The following USP25 variants were observed in gnomAD, a reference collection of about 807,000 sequenced individuals.
USP25 encodes the protein ubiquitin carboxyl-terminal hydrolase 25.
In USP25, 85 loss-of-function variants were observed where a neutral mutation model predicts 158.5. The ratio of observed to expected loss-of-function variants is 0.54; its 90% confidence interval spans 0.45 to 0.64. The LOEUF is 0.64. Among genes scored for constraint, USP25 ranks in the 30% least tolerant of loss-of-function variants. The pLI, the probability that USP25 is intolerant of heterozygous loss-of-function variation, is 0.00. For missense variants in USP25, 1,242 were observed against 1,327.3 expected, an observed-to-expected ratio of 0.94 and a Z score of 1.00; for synonymous variants, 464 against 460.4, an observed-to-expected ratio of 1.01 and a Z score of -0.10.
chr21:15,820,814 G>A (rs1250253634), intron 10 of USP25, among the ~76,000 whole-genome samples: 6 of 151,790 alleles, frequency 4.0e-5, no homozygotes, highest in Admixed American at 3.9e-4. Flanking sequence ...TTGGCCCAGA[G>A]AACATCTTAT....
Position 15,811,154 on chromosome 21 carries a change from A to G in USP25, c.875A>G (p.Lys292Arg). 1 of 1,612,694 alleles carries G rather than the reference A, an allele frequency of 6.2e-7. No individual in the cohort carries two copies. Among genetic ancestry groups the G allele is most frequent in the Non-Finnish European group, 8.5e-7 (1 of 1,179,534 alleles). Reference sequence around the variant, plus strand: ...TACTTTAGGGATGAAGAGAAGCCAAAGAACCCCATGGTAGAGTTGTTCTAT... The same window carrying G: ...TACTTTAGGGATGAAGAGAAGCCAAGGAACCCCATGGTAGAGTTGTTCTAT... ...AEEETDEEKP[K>R]NPMVELFYGR... The change falls in exon 9 of 26, where the codon AAG (lysine) becomes AGG (arginine). Residue 292 changes from lysine to arginine, a missense_variant. Lys to Arg is a conservative substitution (Grantham distance 26). Coordinates refer to ENST00000400183, the MANE Select transcript of USP25 (RefSeq NM_001283041.3).
chr21:15,804,004 A>G lies in USP25; in HGVS notation c.643-1117A>G, dbSNP rs577468186. Among the ~76,000 whole-genome samples the G allele has an allele frequency of 3.3e-5, 5 of 152,172 alleles. No homozygotes were observed. The East Asian group carries it at 5.8e-4, about 18-fold the overall frequency. ...ATTTGGAAGAAAATTTTCATGTTTA[A>G]TATCTAAATTTTTTCCGTTAAAATT... On this transcript the variant is annotated intron_variant, in intron 6 of 25. Transcript: ENST00000400183.
intron 1 of USP25, among the ~76,000 whole-genome samples, chr21:15,741,849 A>G (rs1411131136): frequency 6.6e-6 from 1 of 152,224 alleles, no homozygotes; most frequent in Non-Finnish European, 1.5e-5. Flanking sequence ...AACACCTGAT[A>G]AAAAGGTACA....
chr21:15,763,802 T>G (rs2033876886), intron 2 of USP25, among the ~76,000 whole-genome samples: 2 of 152,196 alleles, frequency 1.3e-5, no homozygotes, highest in South Asian at 4.1e-4. Context: ...ATTAAACATT[T>G]AGTACTACCA....
chr21:15,755,377 G>T (rs984434500), intron 1 of USP25, among the ~76,000 whole-genome samples: 1 of 152,198 alleles, frequency 6.6e-6, no homozygotes, highest in Non-Finnish European at 1.5e-5. Context: ...TTTGTTGTCA[G>T]TGGTGCTTTA....
At position 15,843,955 on chromosome 21, in the gene USP25, A is replaced by G. The variant is rs115412941; in HGVS notation, c.2337+1415A>G. Among the ~76,000 whole-genome samples the G allele has an allele frequency of 0.015, 2,267 of 152,256 alleles. 60 individuals carry two copies. Among genetic ancestry groups the G allele is most frequent in the African/African-American group, 0.052 (2,163 of 41,538 alleles). ...GTTTGGAAAATCATATGGAATTTAA[A>G]TTTGCAGAAGTCAGCTAAATTTTGA... On this transcript the variant is annotated intron_variant, in intron 18 of 25. Transcript: ENST00000400183. This position sits in a 1 kb window ranked among gnomAD's most constrained non-coding sequence, Gnocchi z 4.0.
intron 1 of USP25, among the ~76,000 whole-genome samples, chr21:15,747,194 G>C (rs1270688621): frequency 6.6e-6 from 1 of 151,726 alleles, no homozygotes; most frequent in Middle Eastern, 3.2e-3. Context: ...TACTACTTTT[G>C]TTTTTCTATT....
At chr21:15,790,892 A>G (rs557974749) in intron 4 of USP25, among the ~76,000 whole-genome samples, 1 of 152,074 alleles carries the variant, frequency 6.6e-6, no homozygotes, top group Admixed American at 6.6e-5. Context: ...TGTTATTCTA[A>G]TATGTATTCT....
rs1201393255 is a variant in USP25, at chr21:15,847,777, G to A, written c.2451+1G>A. 6 of 1,543,846 alleles carry A rather than the reference G, an allele frequency of 3.9e-6. No individual in the cohort carries two copies. The highest frequency in any genetic ancestry group is 4.4e-6 in the Non-Finnish European group (5 of 1,141,098). ...AAAGGAGGGGGGGTATGATGACGAG[G>A]TACCTTTTACAGCCCTCTGCACCAT... On this transcript the variant is annotated splice_donor_variant, in intron 19 of 25. Coordinates refer to ENST00000400183, the MANE Select transcript of USP25 (RefSeq NM_001283041.3). LOFTEE classifies it high-confidence loss of function.
chr21:15,851,909 A>T (rs187477878), intron 20 of USP25, among the ~76,000 whole-genome samples: 1 of 151,760 alleles, frequency 6.6e-6, no homozygotes, highest in African/African-American at 2.4e-5. Flanking sequence ...TCCTTTGTGT[A>T]TTTTCCATAT....
rs565259518 is a variant in USP25 at position 15,794,601 on chromosome 21, C to T, written c.555+2937C>T. 3.3e-4 allele frequency among the ~76,000 whole-genome samples: 50 copies of T among 151,516 alleles called. No individual in the cohort carries two copies. In the South Asian group the frequency reaches 9.0e-3, roughly 27 times the overall value. On this transcript the variant is annotated intron_variant, in intron 5 of 25. Coordinates refer to ENST00000400183, the MANE Select transcript of USP25 (RefSeq NM_001283041.3). ...CCTTAGCACCTTTCCATTTGGATGCCGAGAAGTAAGGTGCTCATACTTCTC... is the reference window on the plus strand; with the variant it reads ...CCTTAGCACCTTTCCATTTGGATGCTGAGAAGTAAGGTGCTCATACTTCTC...
At chr21:15,741,712 T>A (rs2032073870) in intron 1 of USP25, among the ~76,000 whole-genome samples, 1 of 152,214 alleles carries the variant, frequency 6.6e-6, no homozygotes, top group South Asian at 2.1e-4. Flanking sequence ...AGCTGCATTC[T>A]TCCAAGTCTT....
chr21:15,786,865 A>T (rs2035303538), intron 4 of USP25, among the ~76,000 whole-genome samples: 1 of 152,132 alleles, frequency 6.6e-6, no homozygotes, highest in African/African-American at 2.4e-5. Flanking sequence ...AAATATAGAA[A>T]GCCCTAAAGA....
Position 15,751,061 on chromosome 21 carries a change from A to G in USP25, c.46-11830A>G, listed in dbSNP as rs573684103. 5.9e-5 allele frequency among the ~76,000 whole-genome samples: 9 copies of G among 152,340 alleles called. No homozygotes were observed. In the South Asian group the frequency reaches 1.9e-3, roughly 32 times the overall value. ...CAAAGGAGATTTGGTGTAAAGAAGTATTGACTAGGAACAGATGATTGGCTG... is the reference window on the plus strand; with the variant it reads ...CAAAGGAGATTTGGTGTAAAGAAGTGTTGACTAGGAACAGATGATTGGCTG... On this transcript the variant is annotated intron_variant, in intron 1 of 25. Coordinates refer to ENST00000400183, the MANE Select transcript of USP25 (RefSeq NM_001283041.3).
chr21:15,791,863 CAGT>C lies in USP25; in HGVS notation c.555+202_555+204del, dbSNP rs1338526439. On this transcript the variant is annotated intron_variant, in intron 5 of 25. Transcript: ENST00000400183. ...TTCATTTCTAGTATGTATTTTTTAACAGTAGATCACTACTTATGCCTTTCACTT... is the reference window on the plus strand; with the variant it reads ...TTCATTTCTAGTATGTATTTTTTAACAGATCACTACTTATGCCTTTCACTT... 1.3e-5 allele frequency among the ~76,000 whole-genome samples: 2 copies of C among 151,756 alleles called. 1 individual carries two copies. Among genetic ancestry groups the C allele is most frequent in the Non-Finnish European group, 3.0e-5 (2 of 67,790 alleles).
At chr21:15,829,753 T>C (rs967951153) in intron 14 of USP25, among the ~76,000 whole-genome samples, 5 of 152,176 alleles carry the variant, frequency 3.3e-5, no homozygotes, top group African/African-American at 1.2e-4. Flanking sequence ...CATTTGATTT[T>C]ATGTTGGTTT....
At chr21:15,817,986 T>A (rs1188318476) in intron 9 of USP25, among the ~76,000 whole-genome samples, 1 of 152,208 alleles carries the variant, frequency 6.6e-6, no homozygotes, top group Non-Finnish European at 1.5e-5. Context: ...GACTTTTCAT[T>A]GTAATCTCTC....
chr21:15,752,228 CT>C (rs928046175), intron 1 of USP25, among the ~76,000 whole-genome samples: 5 of 146,648 alleles, frequency 3.4e-5, no homozygotes, highest in Admixed American at 2.0e-4. Context: ...CCACTGCACC[CT>C]TTTTTTTTGA....
chr21:15,839,038 A>G (rs1050995109), intron 17 of USP25, among the ~76,000 whole-genome samples: 2 of 152,188 alleles, frequency 1.3e-5, no homozygotes, highest in Non-Finnish European at 2.9e-5. Flanking sequence ...TGAAAATCCT[A>G]GAGAAATACC....
Sources: allele counts gnomAD v4.1 joint callset (sites outside exome capture counted in the v4.1 genomes callset), GRCh38; gene constraint gnomAD v4.1.1; non-coding constraint Gnocchi (gnomAD v3.1); transcripts MANE v1.5; gene names NCBI Gene and HGNC (gene_info 2026-07-23, HGNC 2026-07-21).